ABCG1: variants seen among roughly 807,000 people sequenced by gnomAD.
ABCG1 encodes the protein ATP-binding cassette sub-family G member 1.
Under a neutral mutation model 69.2 loss-of-function variants are expected in ABCG1, and 29 were observed. The observed-to-expected ratio is 0.42, with a 90% CI of 0.31 to 0.57. The LOEUF (loss-of-function observed/expected upper bound fraction) is 0.57. ABCG1 is among the 20% of genes least tolerant of loss of function. ABCG1 has a pLI of 0.15. For synonymous variants in ABCG1, 370 were observed against 374.8 expected (o/e 0.99, Z 0.15); for missense variants, 718 against 898.1 (o/e 0.80, Z 2.56).
intron 2 of ABCG1, 126 bp from the exon 3 acceptor site, chr21:42,270,944 G>A (rs2068605363): frequency 1.8e-6 from 1 of 561,018 alleles, no homozygotes; most frequent in South Asian, 3.4e-5. Context: ...TCCCTGGAAT[G>A]CAGCCTTTTC....
rs753779156 is a variant in ABCG1, at chr21:42,296,390, T to C, written c.1999T>C (p.Ter667GlnextTer3). 1 of 1,612,266 alleles carries C rather than the reference T, an allele frequency of 6.2e-7. No homozygotes were observed. The highest frequency in any genetic ancestry group is 1.1e-5 in the South Asian group (1 of 91,018). Reference sequence around the variant, plus strand: ...CAGGTACAAAATCCGGGCAGAGAGGTAAAACACCTGAATGCCAGGAAACAG... The same window carrying C: ...CAGGTACAAAATCCGGGCAGAGAGGCAAAACACCTGAATGCCAGGAAACAG... ...VLRYKIRAER[*>Q] The change falls in exon 15 of 15, where the codon TAA (stop) becomes CAA (glutamine). Residue 667 changes from the stop codon to glutamine (Q), a stop_lost. Coordinates refer to ENST00000398449, the MANE Select transcript of ABCG1 (RefSeq NM_016818.3). The surrounding 1 kb of genome is among the most constrained non-coding windows in gnomAD (Gnocchi z 5.4).
intron 2 of ABCG1, among the ~76,000 whole-genome samples, chr21:42,230,953 G>A (rs987115786): frequency 3.9e-5 from 6 of 152,318 alleles, no homozygotes; most frequent in South Asian, 2.1e-4. Context: ...AAAAAGGAGC[G>A]TAGCAAGTGC....
chr21:42,266,954 T>A (rs1601415447), intron 2 of ABCG1, among the ~76,000 whole-genome samples: 1 of 152,212 alleles, frequency 6.6e-6, no homozygotes, highest in African/African-American at 2.4e-5. Context: ...TTCTTTCCAT[T>A]TCCCAGAGGA....
rs1473039467 is a variant in ABCG1 at position 42,291,351 on chromosome 21, G to T, written c.1495-147G>T. On this transcript the variant is annotated intron_variant, in intron 12 of 14. Coordinates refer to ENST00000398449, the MANE Select transcript of ABCG1 (RefSeq NM_016818.3). The surrounding 1 kb of genome is among the most constrained non-coding windows in gnomAD (Gnocchi z 6.4). ...GGAAGGGCCTGACTTCGGGAGCTGTGGCGGGAGCTGTGGGGAGTGGGGAAG... is the reference window on the plus strand; with the variant it reads ...GGAAGGGCCTGACTTCGGGAGCTGTTGCGGGAGCTGTGGGGAGTGGGGAAG... 3 of 1,221,370 alleles carry T rather than the reference G, an allele frequency of 2.5e-6. No individual in the cohort carries two copies. The highest frequency in any genetic ancestry group is 3.5e-6 in the Non-Finnish European group (3 of 868,784). The allele number at this position is 1,221,370 out of a possible 1,614,324, so 75.7% of individuals were successfully genotyped here.
At chr21:42,290,270 G>T in intron 11 of ABCG1, 52 bp downstream of exon 11, 1 of 1,582,796 alleles carries the variant, frequency 6.3e-7, no homozygotes. Flanking sequence ...TCCTACCCAA[G>T]CATGGGGGCC....
Position 42,276,829 on chromosome 21 carries a change from G to GCT in ABCG1, c.538-65_538-64insTC, listed in dbSNP as rs2123752642. The GCT allele has an allele frequency of 1.3e-6, 2 of 1,555,102 alleles. No individual in the cohort carries two copies. Among genetic ancestry groups the GCT allele is most frequent in the Non-Finnish European group, 8.9e-7 (1 of 1,128,122 alleles). ...AGCTGCACCGTGGCCTGCAGTGCGG[G>GCT]CATGAGGCTCACACTGCCAGTGGCC... On this transcript the variant is annotated intron_variant, in intron 4 of 14. Coordinates refer to ENST00000398449, the MANE Select transcript of ABCG1 (RefSeq NM_016818.3). This position sits in a 1 kb window ranked among gnomAD's most constrained non-coding sequence, Gnocchi z 5.3.
At chr21:42,255,802 T>A (rs1171227750) in intron 2 of ABCG1, among the ~76,000 whole-genome samples, 2 of 152,126 alleles carry the variant, frequency 1.3e-5, no homozygotes, top group African/African-American at 2.4e-5. Flanking sequence ...TCAATGAAAA[T>A]CTCTCCAGTT....
chr21:42,207,094 G>T (rs537743070), intron 2 of ABCG1: 1 of 152,062 alleles, frequency 6.6e-6, no homozygotes, highest in Non-Finnish European at 1.5e-5. Context: ...GGTTTATTCT[G>T]TGTGGAGTTT....
chr21:42,283,802 C>A (rs188778255), intron 6 of ABCG1, among the ~76,000 whole-genome samples: 7 of 75,268 alleles, frequency 9.3e-5, no homozygotes, highest in African/African-American at 2.4e-4. Context: ...GAGTGGGGAC[C>A]CCCCCACCTC....
intron 2 of ABCG1, among the ~76,000 whole-genome samples, chr21:42,243,489 T>TGTGCGC (rs992407170): frequency 7.2e-6 from 1 of 139,784 alleles, no homozygotes; most frequent in Admixed American, 7.0e-5. Context: ...TGTGTGTGTG[T>TGTGCGC]GCGCTGGTTT....
At chr21:42,216,437 G>A (rs1036341677), upstream of ABCG1, among the ~76,000 whole-genome samples, 1 of 152,334 alleles carries the variant, frequency 6.6e-6, no homozygotes, top group South Asian at 2.1e-4. Context: ...GGACACCCAT[G>A]CCCAGTCTTT....
At chr21:42,201,350 C>G (rs1199302129) in intron 1 of ABCG1, among the ~76,000 whole-genome samples, 1 of 152,156 alleles carries the variant, frequency 6.6e-6, no homozygotes, top group African/African-American at 2.4e-5. Flanking sequence ...ATAGGGTTTT[C>G]ACTCCTATGA....
upstream of ABCG1, among the ~76,000 whole-genome samples, chr21:42,211,646 G>A (rs2067590281): frequency 1.3e-5 from 2 of 151,940 alleles, no homozygotes; most frequent in South Asian, 2.1e-4. Context: ...TTGGGAGGCC[G>A]AGGCAGGTGG....
Position 42,294,703 on chromosome 21 carries a change from CG to C in ABCG1, c.1772+48del, listed in dbSNP as rs766401749. On this transcript the variant is annotated intron_variant, in intron 14 of 14. Transcript: ENST00000398449. Reference sequence around the variant, plus strand: ...CGCATGGCGTGGGGACCGAGGGTGACGGGGGAAGAACCGTCTCCAACAGCGT... The same window carrying C: ...CGCATGGCGTGGGGACCGAGGGTGACGGGGAAGAACCGTCTCCAACAGCGT... 52 of 1,554,388 alleles carry C rather than the reference CG, an allele frequency of 3.3e-5. No homozygotes were observed. In the Admixed American group the frequency reaches 6.5e-4, roughly 20 times the overall value.
At chr21:42,221,972 G>A (rs1440373647) in intron 1 of ABCG1, among the ~76,000 whole-genome samples, 2 of 152,138 alleles carry the variant, frequency 1.3e-5, no homozygotes, top group African/African-American at 4.8e-5. Context: ...CAGCGCCCAG[G>A]AAAATATTCC....
intron 1 of ABCG1, among the ~76,000 whole-genome samples, chr21:42,201,280 G>A (rs555692160): frequency 1.3e-5 from 2 of 152,082 alleles, no homozygotes; most frequent in South Asian, 4.1e-4. Context: ...TCAGGCATTA[G>A]TTAGATTTAG....
intron 2 of ABCG1, among the ~76,000 whole-genome samples, chr21:42,228,540 A>G (rs1345515580): frequency 1.3e-5 from 2 of 152,212 alleles, no homozygotes; most frequent in African/African-American, 4.8e-5. Flanking sequence ...AAACTGAGAC[A>G]AAGGTGGTTA....
rs1473573165 is a variant in ABCG1 at position 42,276,581 on chromosome 21, A to G, written c.538-314A>G. ...AAGCCAAGAACTCCTTGGGTTTTCC[A>G]TGATGATCAGCTAGCTGCACGGTGG... is the stretch of plus-strand genomic sequence containing the variant. On this transcript the variant is annotated intron_variant, in intron 4 of 14. Coordinates refer to ENST00000398449, the MANE Select transcript of ABCG1 (RefSeq NM_016818.3). This position sits in a 1 kb window ranked among gnomAD's most constrained non-coding sequence, Gnocchi z 5.3. 4 of 364,896 alleles carry G rather than the reference A, an allele frequency of 1.1e-5. No homozygotes were observed. The highest frequency in any genetic ancestry group is 2.1e-5 in the African/African-American group (1 of 48,522). 22.6% of individuals were successfully genotyped at this position (364,896 alleles called of 1,614,324 possible).
chr21:42,229,442 G>A lies in ABCG1; in HGVS notation c.286+3528G>A, dbSNP rs114544783. ...GTTTTGAAAGTGCCTGGTTCTGGCC[G>A]GGCACAGTGGCTCACGCCTGTAATC... On this transcript the variant is annotated intron_variant, in intron 2 of 14. Transcript: ENST00000398449. Among the ~76,000 whole-genome samples, 53 of 152,246 alleles carry A rather than the reference G, an allele frequency of 3.5e-4. No homozygotes were observed. In the East Asian group the frequency reaches 6.0e-3, roughly 17 times the overall value.
Sources: allele counts gnomAD v4.1 joint callset (sites outside exome capture counted in the v4.1 genomes callset), GRCh38; gene constraint gnomAD v4.1.1; non-coding constraint Gnocchi (gnomAD v3.1); transcripts MANE v1.5; gene names NCBI Gene and HGNC (gene_info 2026-07-23, HGNC 2026-07-21).